Variants in POU1F1 observed in about 807,000 individuals in gnomAD.
The protein encoded by POU1F1 is POU class 1 homeobox 1.
A neutral mutation model predicts 32.3 loss-of-function variants in POU1F1; 23 were observed. That is an observed-to-expected ratio of 0.71 (90% CI 0.51 to 1.01). POU1F1 has a LOEUF of 1.01. Ranked by LOEUF, POU1F1 falls within the 50% of genes least tolerant of loss-of-function variation. The pLI is 0.00. For missense variants in POU1F1, 323 were observed against 341.6 expected, an observed-to-expected ratio of 0.95 and a Z score of 0.43; for synonymous variants, 120 against 115.6, an observed-to-expected ratio of 1.04 and a Z score of -0.25.
At position 87,261,471 on chromosome 3, in the gene POU1F1, G is replaced by T. The variant is rs954589943; in HGVS notation, c.605-138C>A. On this transcript the variant is annotated intron_variant, in intron 4 of 5. Coordinates refer to ENST00000350375, the MANE Select transcript of POU1F1 (RefSeq NM_000306.4). ...GACATTTTTGTCTTAAATTTTTGCA[G>T]TCTTTTTCTATTACAGACCTTAGAG... The T allele has an allele frequency of 2.5e-5, 17 of 675,646 alleles. No individual in the cohort carries two copies. In the African/African-American group the frequency reaches 3.1e-4, roughly 12 times the overall value. The allele number at this position is 675,646 out of a possible 1,614,324, so 41.9% of individuals were successfully genotyped here.
intron 2 of POU1F1, among the ~76,000 whole-genome samples, chr3:87,266,220 T>TA (rs1706618214): frequency 1.4e-5 from 2 of 146,448 alleles, no homozygotes; most frequent in Non-Finnish European, 3.0e-5. Context: ...TGTAGTTATT[T>TA]ATTTAATTTA....
chr3:87,261,145 A>G (rs1283606247), intron 5 of POU1F1, 128 bp downstream of exon 5: 20 of 685,904 alleles, frequency 2.9e-5, no homozygotes, highest in East Asian at 2.0e-4. Flanking sequence ...TCCTGACCTC[A>G]GGCCCGCCTT....
At chr3:87,271,276 A>G (rs1396367185) in intron 2 of POU1F1, among the ~76,000 whole-genome samples, 5 of 152,148 alleles carry the variant, frequency 3.3e-5, no homozygotes, top group Admixed American at 2.0e-4. Flanking sequence ...ACATTGGCAT[A>G]TTGGCTCCAG....
intron 1 of POU1F1, among the ~76,000 whole-genome samples, chr3:87,275,219 C>T (rs1270706707): frequency 5.3e-5 from 8 of 151,762 alleles, no homozygotes; most frequent in East Asian, 1.9e-4. Flanking sequence ...AAATCTTTGG[C>T]GGATTCCTGA....
At chr3:87,274,934 A>T (rs1055974058) in intron 1 of POU1F1, among the ~76,000 whole-genome samples, 1 of 151,932 alleles carries the variant, frequency 6.6e-6, no homozygotes, top group African/African-American at 2.4e-5. Context: ...AAAGTAAATA[A>T]ATGGCATTTT....
rs572547745 is a variant in POU1F1, at chr3:87,261,608, C to T, written c.605-275G>A. On this transcript the variant is annotated intron_variant, in intron 4 of 5. Coordinates refer to ENST00000350375, the MANE Select transcript of POU1F1 (RefSeq NM_000306.4). ...GCTGTAAATACTCTCAAACCTCACT[C>T]TTTATCAGGCTCTGACATTTGTATG... is the stretch of plus-strand genomic sequence containing the variant. Among the ~76,000 whole-genome samples the T allele has an allele frequency of 8.5e-5, 13 of 152,290 alleles. No individual in the cohort carries two copies. The South Asian group carries it at 2.7e-3, about 32-fold the overall frequency.
chr3:87,266,706 T>G (rs1241747194), intron 2 of POU1F1, among the ~76,000 whole-genome samples: 1 of 152,008 alleles, frequency 6.6e-6, no homozygotes, highest in African/African-American at 2.4e-5. Context: ...ATAGCTTTTC[T>G]TGAAAATATT....
chr3:87,273,409 A>C lies in POU1F1; in HGVS notation c.152T>G (p.Leu51Arg). 1 of 1,612,116 alleles carries C rather than the reference A, an allele frequency of 6.2e-7. No individual in the cohort carries two copies. Among genetic ancestry groups the C allele is most frequent in the South Asian group, 1.1e-5 (1 of 91,016 alleles). Residue 51 changes from leucine (L) to arginine (R), a missense_variant, in exon 2 of 6, where the codon CTT (leucine) becomes CGT (arginine). Leu to Arg is a moderately radical substitution (Grantham distance 102). Coordinates refer to ENST00000350375, the MANE Select transcript of POU1F1 (RefSeq NM_000306.4). ...ATGACAGGAAGGAACAGAATAATGAAGTCCTGTTGCTGTGTTTCCCAACGT... is the reference window on the plus strand; with the variant it reads ...ATGACAGGAAGGAACAGAATAATGACGTCCTGTTGCTGTGTTTCCCAACGT... ...ATNVMSTATG[L>R]HYSVPSCHYG...
intron 1 of POU1F1, 165 bp from the exon 2 acceptor site, chr3:87,273,583 T>C: frequency 1.5e-6 from 2 of 1,312,420 alleles, no homozygotes; most frequent in Non-Finnish European, 2.1e-6. Context: ...TACATGCCAA[T>C]ATGTTTTTCT....
intron 3 of POU1F1, 46 bp from the exon 4 acceptor site, chr3:87,262,281 T>C: frequency 6.2e-7 from 1 of 1,610,008 alleles, no homozygotes; most frequent in Non-Finnish European, 8.5e-7. Context: ...TTCCAGGAAA[T>C]GTTAATTTTG....
chr3:87,276,438 C>T lies in POU1F1; in HGVS notation c.25G>A (p.Ala9Thr). 2 of 1,613,762 alleles carry T rather than the reference C, an allele frequency of 1.2e-6. No homozygotes were observed. The highest frequency in any genetic ancestry group is 1.1e-5 in the South Asian group (1 of 91,064). ...GAATTCAGAGGTATAAAGGTATCAG[C>T]CGAAGTAAAAGCTTGGCAACTCATT... MSCQAFTSADTFIPLNSDA... is the reference protein window; with the variant it reads MSCQAFTSTDTFIPLNSDA... The change falls in exon 1 of 6, where the codon GCT becomes ACT. Residue 9 changes from alanine (A) to threonine (T), a missense_variant. Transcript: ENST00000350375.
At chr3:87,267,389 T>A (rs1288699014) in intron 2 of POU1F1, among the ~76,000 whole-genome samples, 1 of 152,192 alleles carries the variant, frequency 6.6e-6, no homozygotes, top group Non-Finnish European at 1.5e-5. Context: ...TAAAGTCTAA[T>A]AAGCATTGCA....
intron 2 of POU1F1, among the ~76,000 whole-genome samples, chr3:87,265,965 T>C (rs1706612654): frequency 6.6e-6 from 1 of 151,066 alleles, no homozygotes; most frequent in African/African-American, 2.4e-5. Context: ...TATTTTAAAA[T>C]AAATTACTAT....
chr3:87,268,800 A>G (rs1165129796), intron 2 of POU1F1, among the ~76,000 whole-genome samples: 1 of 152,194 alleles, frequency 6.6e-6, no homozygotes, highest in Non-Finnish European at 1.5e-5. Context: ...CACATTGAAG[A>G]TTAATTCACC....
chr3:87,259,763 G>T lies in POU1F1; in HGVS notation c.*131C>A. The stretch of plus-strand genomic sequence containing the variant: ...GTTGGTTTCTTTTTTTTAAAAAAAA[G>T]TGGAAAAGTAAAGCTTCTGTAAAAG... On this transcript the variant is annotated 3_prime_UTR_variant, in exon 6 of 6. Transcript: ENST00000350375. 1 of 729,230 alleles carries T rather than the reference G, an allele frequency of 1.4e-6. No individual in the cohort carries two copies. The highest frequency in any genetic ancestry group is 2.3e-6 in the Non-Finnish European group (1 of 444,020). The allele number at this position is 729,230 out of a possible 1,614,324, so 45.2% of individuals were successfully genotyped here.
chr3:87,262,060 C>A lies in POU1F1; in HGVS notation c.604+11G>T. On this transcript the variant is annotated intron_variant, in intron 4 of 5. Coordinates refer to ENST00000350375, the MANE Select transcript of POU1F1 (RefSeq NM_000306.4). Reference sequence around the variant, plus strand: ...AAACACAGCACAGCCTTCAGAGACACAATTTAGTACCTCCTACTTGCTCAG... The same window carrying A: ...AAACACAGCACAGCCTTCAGAGACAAAATTTAGTACCTCCTACTTGCTCAG... The A allele has an allele frequency of 1.2e-6, 2 of 1,613,966 alleles. No individual in the cohort carries two copies. The highest frequency in any genetic ancestry group is 1.7e-6 in the Non-Finnish European group (2 of 1,179,918).
intron 5 of POU1F1, 84 bp downstream of exon 5, chr3:87,261,189 G>T: frequency 1.9e-6 from 2 of 1,031,386 alleles, no homozygotes. Context: ...TATATGTTAT[G>T]TTACACCTGC....
rs764989592 is a variant in POU1F1 at position 87,259,906 on chromosome 3, A to T, written c.864T>A (p.Leu288=). Reference sequence around the variant, plus strand: ...CAATAGAAAAATCTTATCTGCACTCAAGATGTTCCTTAGAAATAGAAAATA... The same window carrying T: ...CAATAGAAAAATCTTATCTGCACTCTAGATGTTCCTTAGAAATAGAAAATA... The part of the protein sequence containing the change: ...QSLFSISKEH[L]ECR The change falls in exon 6 of 6, where the codon CTT becomes CTA. Residue 288 remains leucine (L), a synonymous_variant. Transcript: ENST00000350375. The T allele has an allele frequency of 2.5e-5, 41 of 1,613,630 alleles. 1 individual carries two copies. In the South Asian group the frequency reaches 4.5e-4, roughly 18 times the overall value.
rs757597275 is a variant in POU1F1 at position 87,276,306 on chromosome 3, C to T, written c.142+15G>A. 4 of 1,613,188 alleles carry T rather than the reference C, an allele frequency of 2.5e-6. No individual in the cohort carries two copies. Among genetic ancestry groups the T allele is most frequent in the Non-Finnish European group, 3.4e-6 (4 of 1,179,204 alleles). On this transcript the variant is annotated intron_variant, in intron 1 of 5. Coordinates refer to ENST00000350375, the MANE Select transcript of POU1F1 (RefSeq NM_000306.4). ...TTAGGCCCGGTCATATGTAAACTGT[C>T]ATAGGAGTCAGTACCTGTAGACATC... is the stretch of plus-strand genomic sequence containing the variant.
Sources: gnomAD v4.1 joint callset for allele counts (sites outside exome capture counted in the v4.1 genomes callset) on GRCh38, gnomAD v4.1.1 for gene constraint, MANE v1.5 for transcripts, NCBI Gene and HGNC (gene_info 2026-07-23, HGNC 2026-07-21) for gene names.